The following ARL15 variants were observed in gnomAD, a reference collection of about 807,000 sequenced individuals.
ARL15 encodes ADP-ribosylation factor-like protein 15.
In ARL15, 19 loss-of-function variants were observed where a neutral mutation model predicts 25.2. The ratio of observed to expected loss-of-function variants is 0.75; its 90% CI spans 0.53 to 1.10. The LOEUF is 1.10. ARL15 is among the 50% of genes least tolerant of loss of function. ARL15 has a pLI of 0.00. For missense variants in ARL15, 220 were observed against 246.0 expected, an observed-to-expected ratio of 0.89 and a Z score of 0.71; for synonymous variants, 94 against 86.8, an observed-to-expected ratio of 1.08 and a Z score of -0.46.
intron 4 of ARL15, among the ~76,000 whole-genome samples, chr5:54,104,227 G>A (rs1311315525): frequency 6.6e-6 from 1 of 151,998 alleles, no homozygotes; most frequent in African/African-American, 2.4e-5. Flanking sequence ...CTGCCTTTAG[G>A]TTGTCAATTG....
intron 2 of ARL15, among the ~76,000 whole-genome samples, chr5:54,163,859 GT>G (rs1426554318): frequency 1.3e-5 from 2 of 151,788 alleles, no homozygotes; most frequent in Non-Finnish European, 2.9e-5. Context: ...CTAGCTTTTG[GT>G]TTTACTAATT....
intron 3 of ARL15, among the ~76,000 whole-genome samples, chr5:54,139,716 C>T (rs543789166): frequency 6.6e-6 from 1 of 152,140 alleles, no homozygotes; most frequent in South Asian, 2.1e-4. Context: ...CTTGTAGTGT[C>T]AGCTACTTGG....
chr5:54,107,494 G>A (rs1028062290), intron 4 of ARL15, among the ~76,000 whole-genome samples: 2 of 152,038 alleles, frequency 1.3e-5, no homozygotes, highest in Non-Finnish European at 2.9e-5. Context: ...ATGAAACTTC[G>A]ATAGGAAGTT....
intron 1 of ARL15, among the ~76,000 whole-genome samples, chr5:54,259,121 T>C (rs990082381): frequency 9.1e-4 from 138 of 152,070 alleles, no homozygotes; most frequent in African/African-American, 3.2e-3. Flanking sequence ...CCTATGATCA[T>C]TCATCTTGGA....
chr5:53,916,369 G>A lies in ARL15; in HGVS notation c.463-29656C>T, dbSNP rs550887505. On this transcript the variant is annotated intron_variant, in intron 4 of 4. Coordinates refer to ENST00000504924, the MANE Select transcript of ARL15 (RefSeq NM_019087.3). ...GCTTACTTGAGGATGGAGGGTGGGA[G>A]GAGGGAGAGATTTGAAGTACCAATT... 5.5e-4 allele frequency among the ~76,000 whole-genome samples: 84 copies of A among 151,824 alleles called. 1 individual carries two copies. The highest frequency in any genetic ancestry group is 1.6e-3 in the African/African-American group (67 of 41,378).
chr5:54,104,261 T>C (rs1016938957), intron 4 of ARL15, among the ~76,000 whole-genome samples: 3 of 152,188 alleles, frequency 2.0e-5, no homozygotes, highest in African/African-American at 4.8e-5. Context: ...TCAGGCACCT[T>C]TTCTCTTTTC....
At chr5:54,130,852 T>C (rs1329531627) in intron 3 of ARL15, among the ~76,000 whole-genome samples, 1 of 152,136 alleles carries the variant, frequency 6.6e-6, no homozygotes, top group Non-Finnish European at 1.5e-5. Flanking sequence ...GCACTCTAGG[T>C]AGTTGATTTG....
At chr5:53,919,253 A>T (rs562487851) in intron 4 of ARL15, among the ~76,000 whole-genome samples, 1 of 152,198 alleles carries the variant, frequency 6.6e-6, no homozygotes, top group African/African-American at 2.4e-5. Context: ...CAATATACTG[A>T]GTGGTAAATA....
At chr5:54,292,649 C>A (rs953169752) in intron 1 of ARL15, among the ~76,000 whole-genome samples, 1 of 152,018 alleles carries the variant, frequency 6.6e-6, no homozygotes, top group Non-Finnish European at 1.5e-5. Context: ...AGTAGAACCA[C>A]GCACAATTCA....
In ARL15 at chr5:54,070,981, C is replaced by T. The variant is rs534761523; in HGVS notation, c.462+42221G>A. On this transcript the variant is annotated intron_variant, in intron 4 of 4. Coordinates refer to ENST00000504924, the MANE Select transcript of ARL15 (RefSeq NM_019087.3). ...CTCAGGAATTCGAGACCAGCCTGGG[C>T]AACATGGTGAAATTCTGTCTCTATG... Among the ~76,000 whole-genome samples the T allele has an allele frequency of 1.7e-4, 26 of 151,634 alleles. No homozygotes were observed. The South Asian group carries it at 5.4e-3, about 32-fold the overall frequency.
chr5:53,907,634 A>T lies in ARL15; in HGVS notation c.463-20921T>A, dbSNP rs564483747. 2.7e-5 allele frequency among the ~76,000 whole-genome samples: 4 copies of T among 149,368 alleles called. 1 individual carries two copies. In the South Asian group the frequency reaches 8.6e-4, roughly 32 times the overall value. ...TGCCTCAGCCTCCCGAGTAGCTGAGACTACAGGCGCCCTCCACCATGCCCT... is the reference window on the plus strand; with the variant it reads ...TGCCTCAGCCTCCCGAGTAGCTGAGTCTACAGGCGCCCTCCACCATGCCCT... On this transcript the variant is annotated intron_variant, in intron 4 of 4. Coordinates refer to ENST00000504924, the MANE Select transcript of ARL15 (RefSeq NM_019087.3).
intron 4 of ARL15, among the ~76,000 whole-genome samples, chr5:53,931,919 C>T (rs998527791): frequency 3.3e-5 from 5 of 152,140 alleles, no homozygotes; most frequent in Admixed American, 6.5e-5. Context: ...TATTCCCTGC[C>T]CATCCGGCAC....
At chr5:54,201,271 C>G (rs1755715049) in intron 1 of ARL15, among the ~76,000 whole-genome samples, 1 of 152,058 alleles carries the variant, frequency 6.6e-6, no homozygotes, top group Non-Finnish European at 1.5e-5. Flanking sequence ...ACCCCACACG[C>G]TCCTCACCCT....
At chr5:54,212,605 T>C (rs11956038) in intron 1 of ARL15, among the ~76,000 whole-genome samples, 6,061 of 152,328 alleles carry the variant, frequency 0.04, 205 homozygotes, top group East Asian at 0.15. Context: ...CAGGGTATTT[T>C]AGCAAGAAGG....
chr5:54,255,799 A>G (rs1046625463), intron 1 of ARL15, among the ~76,000 whole-genome samples: 2 of 152,224 alleles, frequency 1.3e-5, no homozygotes, highest in African/African-American at 4.8e-5. Context: ...TGGAAATTAA[A>G]CAATCTCCTC....
At chr5:54,021,940 G>A (rs1378700146) in intron 4 of ARL15, among the ~76,000 whole-genome samples, 2 of 152,120 alleles carry the variant, frequency 1.3e-5, no homozygotes, top group African/African-American at 4.8e-5. Flanking sequence ...TAAAATGACA[G>A]CAGATTCCTC....
At chr5:54,228,988 C>T (rs897134533) in intron 1 of ARL15, among the ~76,000 whole-genome samples, 9 of 152,030 alleles carry the variant, frequency 5.9e-5, no homozygotes, top group African/African-American at 2.2e-4. Flanking sequence ...TATTCTAATC[C>T]ATGTTTCTGG....
chr5:54,165,667 A>G (rs1449796975), intron 2 of ARL15, among the ~76,000 whole-genome samples: 1 of 151,184 alleles, frequency 6.6e-6, no homozygotes, highest in Non-Finnish European at 1.5e-5. Flanking sequence ...AAAAACCAAA[A>G]GGATGTGTGT....
At chr5:54,070,659 G>T (rs1217234150) in intron 4 of ARL15, among the ~76,000 whole-genome samples, 2 of 151,872 alleles carry the variant, frequency 1.3e-5, no homozygotes, top group Non-Finnish European at 1.5e-5. Context: ...TGGCCAACAT[G>T]GTGAAACCCT....
Sources: allele counts gnomAD v4.1 joint callset (sites outside exome capture counted in the v4.1 genomes callset), GRCh38; gene constraint gnomAD v4.1.1; transcripts MANE v1.5; gene names NCBI Gene and HGNC (gene_info 2026-07-23, HGNC 2026-07-21).